The following MALRD1 variants were observed in gnomAD, a reference collection of about 807,000 sequenced individuals.
The protein encoded by MALRD1 is MAM and LDL-receptor class A domain-containing protein 1.
In MALRD1, 247 loss-of-function variants were observed where a neutral mutation model predicts 242.1. The ratio of observed to expected loss-of-function variants is 1.02; its 90% CI spans 0.92 to 1.13. MALRD1 has a LOEUF of 1.13. Among genes scored for constraint, MALRD1 ranks in the 50% most tolerant of loss-of-function variants. The pLI is 0.00. For missense variants in MALRD1, 2,989 were observed against 2,533.1 expected, an observed-to-expected ratio of 1.18 and a Z score of -3.86; for synonymous variants, 995 against 866.6, an observed-to-expected ratio of 1.15 and a Z score of -2.60.
At chr10:19,259,821 A>G (rs1357353043) in intron 19 of MALRD1, among the ~76,000 whole-genome samples, 1 of 152,074 alleles carries the variant, frequency 6.6e-6, no homozygotes, top group African/African-American at 2.4e-5. Context: ...CCTCCTCTGA[A>G]CACAACACAA....
intron 32 of MALRD1, among the ~76,000 whole-genome samples, chr10:19,555,564 G>A (rs905462363): frequency 6.6e-6 from 1 of 152,142 alleles, no homozygotes; most frequent in African/African-American, 2.4e-5. Flanking sequence ...GGTTGGCAAT[G>A]TAACCTTATG....
Position 19,189,505 on chromosome 10 carries a change from G to GT in MALRD1, c.1951+14177_1951+14178insT, listed in dbSNP as rs1554807448. ...GAGACTCAAGCCAGACAAAGAGACTGCAAAAAAAACTATGAACCTATATGC... is the reference window on the plus strand; with the variant it reads ...GAGACTCAAGCCAGACAAAGAGACTGTCAAAAAAAACTATGAACCTATATGC... On this transcript the variant is annotated intron_variant, in intron 14 of 39. Coordinates refer to ENST00000454679, the MANE Select transcript of MALRD1 (RefSeq NM_001142308.3). Among the ~76,000 whole-genome samples the GT allele has an allele frequency of 5.4e-5, 7 of 130,028 alleles. No homozygotes were observed. In the South Asian group the frequency reaches 1.5e-3, roughly 28 times the overall value. The allele number at this position is 130,028 out of a possible 152,430, so 85.3% of individuals were successfully genotyped here. A position where few individuals can be genotyped will look rare whatever the true frequency, so the allele number is the denominator to read the frequency against.
chr10:19,713,498 A>G (rs2131880093), intron 38 of MALRD1, among the ~76,000 whole-genome samples: 1 of 152,342 alleles, frequency 6.6e-6, no homozygotes, highest in South Asian at 2.1e-4. Context: ...AAATAAATAG[A>G]TGCCACTAAG....
chr10:19,278,031 T>C (rs1489321461), intron 19 of MALRD1, among the ~76,000 whole-genome samples: 1 of 152,184 alleles, frequency 6.6e-6, no homozygotes, highest in Non-Finnish European at 1.5e-5. Context: ...TATATCTTGT[T>C]ATTTCTCCAT....
At chr10:19,438,608 C>T (rs756269031) in intron 28 of MALRD1, among the ~76,000 whole-genome samples, 10 of 152,162 alleles carry the variant, frequency 6.6e-5, no homozygotes, top group Non-Finnish European at 1.0e-4. Flanking sequence ...TACCATTCTA[C>T]ATTCTTACCA....
chr10:19,118,681 G>A (rs1836959715), intron 5 of MALRD1, among the ~76,000 whole-genome samples: 1 of 152,180 alleles, frequency 6.6e-6, no homozygotes, highest in African/African-American at 2.4e-5. Context: ...AGGGTATAAT[G>A]AGGCATGTCT....
chr10:19,673,545 T>A (rs1842016775), intron 36 of MALRD1, among the ~76,000 whole-genome samples: 1 of 152,200 alleles, frequency 6.6e-6, no homozygotes. Flanking sequence ...TAAATGACAC[T>A]GTTTTCAGAT....
intron 33 of MALRD1, among the ~76,000 whole-genome samples, chr10:19,576,456 A>G (rs909233410): frequency 6.6e-6 from 1 of 152,226 alleles, no homozygotes; most frequent in African/African-American, 2.4e-5. Flanking sequence ...CAGCAACAAT[A>G]AACCCTCCAT....
intron 18 of MALRD1, among the ~76,000 whole-genome samples, chr10:19,249,079 G>A (rs1048257838): frequency 6.7e-6 from 1 of 148,456 alleles, no homozygotes; most frequent in Non-Finnish European, 1.5e-5. Flanking sequence ...ATATATATAT[G>A]CACATACACA....
chr10:19,407,783 G>A (rs1489199699), intron 28 of MALRD1, among the ~76,000 whole-genome samples: 1 of 152,148 alleles, frequency 6.6e-6, no homozygotes, highest in Non-Finnish European at 1.5e-5. Context: ...ATAACAATTT[G>A]GCAGTAGTAA....
chr10:19,581,229 A>AT (rs10586316), intron 33 of MALRD1, among the ~76,000 whole-genome samples: 1 of 142,028 alleles, frequency 7.0e-6, no homozygotes, highest in Non-Finnish European at 1.5e-5. Context: ...TTATTTATTT[A>AT]TTATTATACT....
chr10:19,294,818 T>C (rs892928550), intron 21 of MALRD1, among the ~76,000 whole-genome samples: 47 of 152,228 alleles, frequency 3.1e-4, no homozygotes, highest in African/African-American at 1.1e-3. Flanking sequence ...AAAAATACAG[T>C]TTTATTTTAG....
At chr10:19,520,651 T>C (rs1833836090) in intron 31 of MALRD1, among the ~76,000 whole-genome samples, 2 of 152,298 alleles carry the variant, frequency 1.3e-5, no homozygotes, top group South Asian at 4.1e-4. Context: ...AATAAAAGTG[T>C]TTCTCTATGA....
chr10:19,234,120 T>G (rs1838198904), intron 18 of MALRD1, among the ~76,000 whole-genome samples: 1 of 151,976 alleles, frequency 6.6e-6, no homozygotes, highest in Non-Finnish European at 1.5e-5. Context: ...TAAATTAAAT[T>G]AGGATCTAGT....
intron 29 of MALRD1, among the ~76,000 whole-genome samples, chr10:19,451,847 T>A: frequency 6.6e-6 from 1 of 152,132 alleles, no homozygotes; most frequent in East Asian, 1.9e-4. Context: ...CTACCTTATG[T>A]TAAATAAAAT....
intron 26 of MALRD1, among the ~76,000 whole-genome samples, chr10:19,374,315 A>G (rs1452507911): frequency 1.3e-5 from 2 of 152,164 alleles, no homozygotes; most frequent in Admixed American, 6.5e-5. Flanking sequence ...TCAGATTTCA[A>G]TTCCTATTGA....
intron 32 of MALRD1, among the ~76,000 whole-genome samples, chr10:19,539,287 A>G (rs967925419): frequency 1.3e-5 from 2 of 152,184 alleles, no homozygotes; most frequent in Non-Finnish European, 2.9e-5. Context: ...GTCCAAGGTC[A>G]TAGAGCTGGG....
chr10:19,584,807 C>G (rs974332370), intron 33 of MALRD1, among the ~76,000 whole-genome samples: 3 of 152,132 alleles, frequency 2.0e-5, no homozygotes, highest in Admixed American at 6.6e-5. Context: ...GTTGATCTGT[C>G]TAATGTTGAC....
At chr10:19,178,178 A>T (rs1013194490) in intron 14 of MALRD1, among the ~76,000 whole-genome samples, 11 of 152,244 alleles carry the variant, frequency 7.2e-5, no homozygotes, top group Non-Finnish European at 1.5e-4. Flanking sequence ...GGATATGTGC[A>T]TCCATCTGAA....
Sources: allele counts gnomAD v4.1 joint callset (sites outside exome capture counted in the v4.1 genomes callset), GRCh38; gene constraint gnomAD v4.1.1; transcripts MANE v1.5; gene names NCBI Gene and HGNC (gene_info 2026-07-23, HGNC 2026-07-21).